Variants in TBC1D23 observed in about 807,000 individuals in gnomAD.
The protein encoded by TBC1D23 is HCV non-structural protein 4A-transactivated protein 1.
A neutral mutation model predicts 91.4 loss-of-function variants in TBC1D23; 55 were observed. That is an observed-to-expected ratio of 0.60 (90% CI 0.48 to 0.75). The LOEUF is 0.75. TBC1D23 is among the 30% of genes least tolerant of loss of function. The probability of loss-of-function intolerance (pLI) is 0.00; values close to 1 mark genes in which losing one functional copy is unlikely to be tolerated. For missense variants in TBC1D23, 725 were observed against 836.1 expected (o/e 0.87, Z 1.64); for synonymous variants, 289 against 281.0 (o/e 1.03, Z -0.28).
In TBC1D23 at chr3:100,261,294, G is replaced by T. The variant is rs888609858; in HGVS notation, c.53+223G>T. Reference sequence around the variant, plus strand: ...TCCCAAGGAGAGGGGTGTCATCCAGGTGCTGGGCCTCAGAACGGTCCTCCT... The same window carrying T: ...TCCCAAGGAGAGGGGTGTCATCCAGTTGCTGGGCCTCAGAACGGTCCTCCT... On this transcript the variant is annotated intron_variant, in intron 1 of 18. Transcript: ENST00000394144. 5.2e-6 allele frequency: 3 copies of T among 580,478 alleles called. No individual in the cohort carries two copies. The African/African-American group carries it at 5.7e-5, about 11-fold the overall frequency. The allele number at this position is 580,478 out of a possible 1,614,324, so 36.0% of individuals were successfully genotyped here.
At chr3:100,312,755 A>G (rs751255054) in intron 15 of TBC1D23, among the ~76,000 whole-genome samples, 13 of 152,148 alleles carry the variant, frequency 8.5e-5, no homozygotes, top group African/African-American at 2.9e-4. Flanking sequence ...CATATTTTCA[A>G]TGTAAGTTAA....
intron 1 of TBC1D23, among the ~76,000 whole-genome samples, chr3:100,265,070 G>C (rs1318517670): frequency 3.9e-5 from 6 of 152,042 alleles, no homozygotes; most frequent in Admixed American, 3.9e-4. Context: ...ATGTCACATT[G>C]TATCACCTTA....
intron 5 of TBC1D23, among the ~76,000 whole-genome samples, chr3:100,294,053 T>A (rs1405759445): frequency 4.6e-5 from 7 of 152,224 alleles, no homozygotes; most frequent in African/African-American, 1.7e-4. Flanking sequence ...AATATATGTG[T>A]TCCCGTTAAT....
At chr3:100,300,498 A>ATTTTT (rs66553332) in intron 10 of TBC1D23, among the ~76,000 whole-genome samples, 3 of 125,420 alleles carry the variant, frequency 2.4e-5, no homozygotes, top group Non-Finnish European at 3.3e-5. Flanking sequence ...ACTTGAATTA[A>ATTTTT]TTTTTTTTTT....
Position 100,319,177 on chromosome 3 carries a change from T to G in TBC1D23, c.1796T>G (p.Val599Gly), listed in dbSNP as rs1308378049. Residue 599 changes from valine to glycine, a missense_variant, in exon 17 of 19, where the codon GTA (valine) becomes GGA (glycine). Transcript: ENST00000394144. ...AAACATCATTTTCCTTGTAAAGAAG[T>G]AAAAGAAAGTGGACACATGTTTCCC... ...DVKHHFPCKE[V>G]KESGHMFPSH... is the part of the protein sequence containing the mutation. 1 of 1,608,868 alleles carries G rather than the reference T, an allele frequency of 6.2e-7. No homozygotes were observed. The highest frequency in any genetic ancestry group is 8.5e-7 in the Non-Finnish European group (1 of 1,178,198).
chr3:100,268,111 G>A (rs2067571534), intron 1 of TBC1D23, among the ~76,000 whole-genome samples: 1 of 152,136 alleles, frequency 6.6e-6, no homozygotes, highest in Non-Finnish European at 1.5e-5. Flanking sequence ...AATCGAGGCT[G>A]CAGTGAGCTG....
At chr3:100,323,493 A>C in intron 18 of TBC1D23, 94 bp from the exon 19 acceptor site, 15 of 499,234 alleles carry the variant, frequency 3.0e-5, no homozygotes, top group East Asian at 5.9e-5. Context: ...GAGGTGACCT[A>C]TCAGCTGAGT....
intron 5 of TBC1D23, among the ~76,000 whole-genome samples, chr3:100,290,959 C>G (rs960322730): frequency 1.3e-5 from 2 of 151,680 alleles, no homozygotes; most frequent in Non-Finnish European, 2.9e-5. Flanking sequence ...CAACTAATTA[C>G]AAATAAATAT....
chr3:100,279,805 A>T (rs1239812044), intron 2 of TBC1D23, 45 bp downstream of exon 2: 4 of 1,240,778 alleles, frequency 3.2e-6, no homozygotes, highest in Non-Finnish European at 4.6e-6. Flanking sequence ...CTGAAGAATA[A>T]TATTTTTAAA....
At chr3:100,265,630 T>G (rs1170433126) in intron 1 of TBC1D23, among the ~76,000 whole-genome samples, 1 of 152,214 alleles carries the variant, frequency 6.6e-6, no homozygotes, top group African/African-American at 2.4e-5. Context: ...TGTCTAAAGA[T>G]CTATAGTCAT....
At chr3:100,261,400 T>A in intron 1 of TBC1D23, 1 of 379,678 alleles carries the variant, frequency 2.6e-6, no homozygotes, top group Non-Finnish European at 4.8e-6. Context: ...CTGTGGGAGT[T>A]GGAGTAGGCT....
chr3:100,270,489 A>G (rs1284124251), intron 1 of TBC1D23, among the ~76,000 whole-genome samples: 1 of 152,186 alleles, frequency 6.6e-6, no homozygotes, highest in Non-Finnish European at 1.5e-5. Flanking sequence ...GTTGAACTGT[A>G]AAAGGAAGGA....
chr3:100,281,780 A>C lies in TBC1D23; in HGVS notation c.204A>C (p.Ala68=), dbSNP rs1559803424. The C allele has an allele frequency of 1.2e-6, 2 of 1,613,272 alleles. No homozygotes were observed. The highest frequency in any genetic ancestry group is 2.2e-5 in the South Asian group (2 of 90,978). ...TTGCAGGAAAAGGTGATAGTTTGGC[A>C]TCATGGGATGGTATTTTAGACTTGC... ...LNVAGKGDSL[A]SWDGILDLPE... Residue 68 remains alanine (A), a synonymous_variant, in exon 3 of 19, where the codon GCA becomes GCC. Transcript: ENST00000394144.
At chr3:100,293,834 A>G (rs1442919573) in intron 5 of TBC1D23, among the ~76,000 whole-genome samples, 1 of 152,214 alleles carries the variant, frequency 6.6e-6, no homozygotes, top group Non-Finnish European at 1.5e-5. Context: ...ATTGAAATCT[A>G]CTTTCTCACC....
chr3:100,286,648 C>T (rs545070634), intron 4 of TBC1D23, among the ~76,000 whole-genome samples: 43 of 152,132 alleles, frequency 2.8e-4, no homozygotes, highest in Non-Finnish European at 4.6e-4. Context: ...CAGGCATGTG[C>T]GACCATACCT....
intron 1 of TBC1D23, among the ~76,000 whole-genome samples, chr3:100,273,853 A>T (rs944757860): frequency 2.0e-5 from 3 of 152,256 alleles, no homozygotes; most frequent in African/African-American, 7.2e-5. Context: ...TACACTATAT[A>T]CAAAAATCAA....
intron 15 of TBC1D23, among the ~76,000 whole-genome samples, chr3:100,315,272 C>A (rs1705717149): frequency 1.3e-5 from 2 of 150,934 alleles, no homozygotes; most frequent in Admixed American, 1.3e-4. Flanking sequence ...AAGTGGTTCT[C>A]CCGCCTCAGC....
At chr3:100,300,504 T>A in intron 10 of TBC1D23, among the ~76,000 whole-genome samples, 1 of 150,228 alleles carries the variant, frequency 6.7e-6, no homozygotes, top group East Asian at 1.9e-4. Flanking sequence ...ATTAATTTTT[T>A]TTTTTTTTTT....
intron 5 of TBC1D23, 36 bp downstream of exon 5, chr3:100,290,737 T>C: frequency 6.5e-7 from 1 of 1,537,060 alleles, no homozygotes; most frequent in South Asian, 1.3e-5. Context: ...TAATGAAAAA[T>C]AGATTTATGT....
Sources: allele counts gnomAD v4.1 joint callset (sites outside exome capture counted in the v4.1 genomes callset), GRCh38; gene constraint gnomAD v4.1.1; transcripts MANE v1.5; gene names NCBI Gene and HGNC (gene_info 2026-07-23, HGNC 2026-07-21).